CBR3: variants seen among roughly 807,000 people sequenced by gnomAD.
CBR3 encodes carbonyl reductase [NADPH] 3.
A neutral mutation model predicts 11.6 loss-of-function variants in CBR3; 14 were observed. That is an observed-to-expected ratio of 1.20 (90% CI 0.79 to 1.88). The LOEUF is 1.88. Among genes scored for constraint, CBR3 ranks in the 40% most tolerant of loss-of-function variants. CBR3 has a pLI of 0.00. For synonymous variants in CBR3, 125 were observed against 145.6 expected, an observed-to-expected ratio of 0.86 and a Z score of 1.02; for missense variants, 308 against 357.3, an observed-to-expected ratio of 0.86 and a Z score of 1.11.
intron 2 of CBR3, chr21:36,138,643 T>C (rs2065681630): frequency 6.6e-6 from 1 of 152,192 alleles, no homozygotes; most frequent in Admixed American, 6.6e-5. Context: ...GTATCTGTTT[T>C]AGCATTACAA....
At chr21:36,144,358 T>C (rs1207962947) in intron 2 of CBR3, among the ~76,000 whole-genome samples, 2 of 152,168 alleles carry the variant, frequency 1.3e-5, no homozygotes, top group African/African-American at 4.8e-5. Context: ...CTTGGGAGGC[T>C]GAAGCAGTAG....
At chr21:36,142,021 C>CA in intron 2 of CBR3, 1 of 462,998 alleles carries the variant, frequency 2.2e-6, no homozygotes, top group South Asian at 9.2e-5. Context: ...TGACTCTCCT[C>CA]ATGAGAACAG....
Position 36,146,532 on chromosome 21 carries a change from C to A in CBR3, c.*20C>A. On this transcript the variant is annotated 3_prime_UTR_variant, in exon 3 of 3. Coordinates refer to ENST00000290354, the MANE Select transcript of CBR3 (RefSeq NM_001236.4). ...TGGTAAACGTCTGCTTCGGAGCTTG[C>A]TGCTTAATAAATGTTGGTGGAATGA... The A allele has an allele frequency of 6.4e-7, 1 of 1,554,758 alleles. No homozygotes were observed. The highest frequency in any genetic ancestry group is 1.9e-5 in the Admixed American group (1 of 51,938).
At chr21:36,140,616 C>T (rs2065700680) in intron 2 of CBR3, among the ~76,000 whole-genome samples, 1 of 152,044 alleles carries the variant, frequency 6.6e-6, no homozygotes, top group Admixed American at 6.6e-5. Flanking sequence ...AGAGCACCTG[C>T]AGTTCTCCCT....
chr21:36,139,368 T>G (rs949000974), intron 2 of CBR3, among the ~76,000 whole-genome samples: 4 of 147,150 alleles, frequency 2.7e-5, no homozygotes, highest in Non-Finnish European at 5.9e-5. Flanking sequence ...TTATTAAAAA[T>G]GTGCTTGCTT....
At chr21:36,144,827 G>A (rs891942205) in intron 2 of CBR3, among the ~76,000 whole-genome samples, 3 of 151,526 alleles carry the variant, frequency 2.0e-5, no homozygotes, top group Admixed American at 2.0e-4. Context: ...TTTTAGGCCA[G>A]GTGTAGTGGC....
intron 1 of CBR3, 73 bp from the exon 2 acceptor site, chr21:36,137,752 A>C: frequency 2.4e-6 from 2 of 825,560 alleles, no homozygotes; most frequent in Non-Finnish European, 4.2e-6. Flanking sequence ...GTTAGGAGTT[A>C]GGATCCACTT....
At chr21:36,138,828 C>T (rs2065684927) in intron 2 of CBR3, 1 of 138,890 alleles carries the variant, frequency 7.2e-6, no homozygotes, top group Non-Finnish European at 1.5e-5. Context: ...TCACTGTAGT[C>T]TCCGCCTCCC....
At chr21:36,145,978 A>C (rs901611999) in intron 2 of CBR3, 98 bp from the exon 3 acceptor site, 4 of 823,760 alleles carry the variant, frequency 4.9e-6, no homozygotes, top group African/African-American at 3.4e-5. Context: ...AAAAAAAAAA[A>C]AAACCTGCAC....
At chr21:36,144,184 C>T (rs367991917) in intron 2 of CBR3, among the ~76,000 whole-genome samples, 4 of 152,124 alleles carry the variant, frequency 2.6e-5, no homozygotes, top group East Asian at 3.9e-4. Context: ...GCTGGGCACA[C>T]GGTGGCTCAC....
At chr21:36,145,366 G>A (rs539708951) in intron 2 of CBR3, among the ~76,000 whole-genome samples, 56 of 152,194 alleles carry the variant, frequency 3.7e-4, no homozygotes, top group Middle Eastern at 3.4e-3. Flanking sequence ...TCTCATTCGT[G>A]TCACCCAGGC....
intron 2 of CBR3, among the ~76,000 whole-genome samples, chr21:36,139,881 C>T (rs79828789): frequency 7.8e-5 from 7 of 89,868 alleles, no homozygotes; most frequent in Admixed American, 1.6e-4. Context: ...GATGCAAAAC[C>T]TTTTTTTTTT....
At chr21:36,143,620 C>T (rs981414689) in intron 2 of CBR3, among the ~76,000 whole-genome samples, 5 of 152,036 alleles carry the variant, frequency 3.3e-5, no homozygotes, top group African/African-American at 1.2e-4. Context: ...TGGCTCACGC[C>T]TATAATCCTA....
intron 2 of CBR3, among the ~76,000 whole-genome samples, chr21:36,145,237 C>T (rs913476594): frequency 5.9e-5 from 9 of 152,226 alleles, no homozygotes; most frequent in Non-Finnish European, 1.2e-4. Flanking sequence ...GAGGTGTGTT[C>T]TTCCCCTTGG....
At position 36,142,435 on chromosome 21, in the gene CBR3, A is replaced by AAAAAAAAAAAACAAACAAAC. The variant is rs1555883292; in HGVS notation, c.398-3630_398-3629insCAAACAAACAAAAAAAAAAA. 1.5e-5 allele frequency among the ~76,000 whole-genome samples: 2 copies of AAAAAAAAAAAACAAACAAAC among 137,854 alleles called. 1 individual carries two copies. The highest frequency in any genetic ancestry group is 6.1e-5 in the African/African-American group (2 of 32,990). 90.4% of individuals were successfully genotyped at this position (137,854 alleles called of 152,430 possible). ...TGACAGAGCGAGACTCCATCTCAAA[A>AAAAAAAAAAAACAAACAAAC]AAAAAAAAAAAAACGCAATCCATGA... is the stretch of plus-strand genomic sequence containing the variant. On this transcript the variant is annotated intron_variant, in intron 2 of 2. Coordinates refer to ENST00000290354, the MANE Select transcript of CBR3 (RefSeq NM_001236.4).
chr21:36,142,252 G>A (rs749595066), intron 2 of CBR3, among the ~76,000 whole-genome samples: 11 of 151,902 alleles, frequency 7.2e-5, no homozygotes, highest in Non-Finnish European at 1.6e-4. Context: ...CTAACACGGT[G>A]AAACCCCGTC....
chr21:36,141,130 G>A (rs951463528), intron 2 of CBR3, among the ~76,000 whole-genome samples: 2 of 151,758 alleles, frequency 1.3e-5, no homozygotes, highest in Non-Finnish European at 2.9e-5. Flanking sequence ...AATTAGCTGG[G>A]CATAGTGGCA....
Position 36,146,169 on chromosome 21 carries a change from CAGA to C in CBR3, c.494_496del (p.Glu165del), listed in dbSNP as rs560081575. Reference sequence around the variant, plus strand: ...GAAAGGTTCCACAGTGAGACACTCACAGAAGGAGACCTGGTGGATCTCATGAAA... The same window carrying C: ...GAAAGGTTCCACAGTGAGACACTCACAGGAGACCTGGTGGATCTCATGAAA... On this transcript the variant is annotated inframe_deletion, in exon 3 of 3. Transcript: ENST00000290354. 1.7e-4 allele frequency: 268 copies of C among 1,614,024 alleles called. No individual in the cohort carries two copies. The highest frequency in any genetic ancestry group is 2.1e-4 in the Non-Finnish European group (247 of 1,179,976).
At chr21:36,138,235 C>T in intron 2 of CBR3, 2 of 215,350 alleles carry the variant, frequency 9.3e-6, no homozygotes, top group South Asian at 1.0e-4. Context: ...GCAACCTCCA[C>T]CTCCCGGGGT....
Sources: gnomAD v4.1 joint callset for allele counts (sites outside exome capture counted in the v4.1 genomes callset) on GRCh38, gnomAD v4.1.1 for gene constraint, MANE v1.5 for transcripts, NCBI Gene and HGNC (gene_info 2026-07-23, HGNC 2026-07-21) for gene names.